AKT3: variants seen among roughly 807,000 people sequenced by gnomAD.
AKT3 encodes the protein RAC-gamma serine/threonine-protein kinase.
A neutral mutation model predicts 65.3 loss-of-function variants in AKT3; 15 were observed. That is an observed-to-expected ratio of 0.23 (90% CI 0.15 to 0.35). The LOEUF (loss-of-function observed/expected upper bound fraction) is 0.35. AKT3 is among the 10% of genes least tolerant of loss of function. AKT3 has a pLI of 1.00. For synonymous variants in AKT3, 206 were observed against 183.8 expected (o/e 1.12, Z -0.98); for missense variants, 243 against 576.5 (o/e 0.42, Z 5.92).
intron 6 of AKT3, among the ~76,000 whole-genome samples, 171 bp downstream of exon 6, chr1:243,637,440 A>T (rs1325021696): frequency 6.6e-6 from 1 of 152,122 alleles, no homozygotes; most frequent in Non-Finnish European, 1.5e-5. Flanking sequence ...AATGTCTGAA[A>T]ACTTTAAAAA....
chr1:243,839,920 C>T (rs542620528), intron 2 of AKT3, among the ~76,000 whole-genome samples: 6 of 150,672 alleles, frequency 4.0e-5, no homozygotes, highest in Admixed American at 6.6e-5. Context: ...CGGTGGCTCA[C>T]GCCTGTAATC....
At chr1:243,783,485 A>G (rs1443874600) in intron 2 of AKT3, among the ~76,000 whole-genome samples, 2 of 152,222 alleles carry the variant, frequency 1.3e-5, no homozygotes, top group South Asian at 4.1e-4. Flanking sequence ...TGGACTAGGT[A>G]TAACTCTGGG....
At chr1:243,642,105 G>C (rs117927207) in intron 5 of AKT3, among the ~76,000 whole-genome samples, 4 of 152,228 alleles carry the variant, frequency 2.6e-5, no homozygotes, top group South Asian at 2.1e-4. Context: ...AAAAAGCACT[G>C]TATGTGATAA....
chr1:243,631,116 A>G (rs747380003), intron 6 of AKT3, among the ~76,000 whole-genome samples: 2 of 152,288 alleles, frequency 1.3e-5, no homozygotes, highest in Non-Finnish European at 1.5e-5. Flanking sequence ...ACTGTAGTCT[A>G]TTAAGTGTGT....
At chr1:243,613,060 T>C (rs1367457830) in intron 8 of AKT3, 1 of 98,266 alleles carries the variant, frequency 1.0e-5, no homozygotes, top group East Asian at 2.6e-4. Context: ...AAAAAAATTA[T>C]ATATATATAT....
intron 2 of AKT3, among the ~76,000 whole-genome samples, chr1:243,729,782 T>C (rs770806641): frequency 8.5e-5 from 13 of 152,220 alleles, no homozygotes; most frequent in Non-Finnish European, 1.5e-5. Context: ...ATTAGTAATA[T>C]CTCTGGACAA....
chr1:243,548,719 T>C (rs1387118559), intron 11 of AKT3, among the ~76,000 whole-genome samples: 3 of 152,242 alleles, frequency 2.0e-5, no homozygotes, highest in Middle Eastern at 3.2e-3. Context: ...AATTCACATT[T>C]TCCTAATGTT....
At chr1:243,582,823 T>TA (rs924390036) in intron 8 of AKT3, among the ~76,000 whole-genome samples, 7 of 151,750 alleles carry the variant, frequency 4.6e-5, no homozygotes, top group African/African-American at 1.5e-4. Flanking sequence ...GCATGTTGGA[T>TA]AAAAAAACAA....
chr1:243,781,867 G>A (rs1007970575), intron 2 of AKT3, among the ~76,000 whole-genome samples: 4 of 152,106 alleles, frequency 2.6e-5, no homozygotes, highest in Admixed American at 6.5e-5. Context: ...CAGTCACCCA[G>A]GCTGCTGCAC....
At chr1:243,578,251 C>T (rs1171073328) in intron 8 of AKT3, among the ~76,000 whole-genome samples, 1 of 152,088 alleles carries the variant, frequency 6.6e-6, no homozygotes, top group Non-Finnish European at 1.5e-5. Context: ...TTCACTGCAG[C>T]ACTATCACAA....
In AKT3 at chr1:243,790,548, T is replaced by C. The variant is rs544565520; in HGVS notation, c.46+52577A>G. On this transcript the variant is annotated intron_variant, in intron 2 of 13. Coordinates refer to ENST00000673466, the MANE Select transcript of AKT3 (RefSeq NM_005465.7). Reference sequence around the variant, plus strand: ...CCAGACCACTCAAACTTTCTCCTTATCAGCAATACGGCTGTTTCGCTTTCT... The same window carrying C: ...CCAGACCACTCAAACTTTCTCCTTACCAGCAATACGGCTGTTTCGCTTTCT... Among the ~76,000 whole-genome samples, 58 of 152,354 alleles carry C rather than the reference T, an allele frequency of 3.8e-4. 1 individual carries two copies. Among genetic ancestry groups the C allele is most frequent in the African/African-American group, 1.3e-3 (54 of 41,586 alleles).
chr1:243,525,918 T>C (rs1671040051), intron 12 of AKT3, among the ~76,000 whole-genome samples: 1 of 146,904 alleles, frequency 6.8e-6, no homozygotes, highest in Non-Finnish European at 1.5e-5. Context: ...TAAAGAAGGA[T>C]ATGCAAGAGA....
intron 9 of AKT3, among the ~76,000 whole-genome samples, chr1:243,565,043 G>A (rs1198447925): frequency 6.6e-6 from 1 of 152,144 alleles, no homozygotes; most frequent in Non-Finnish European, 1.5e-5. Context: ...AGTTAGGCAA[G>A]TTGTGTTCAC....
intron 12 of AKT3, among the ~76,000 whole-genome samples, chr1:243,519,423 G>C (rs1424403889): frequency 6.6e-6 from 1 of 152,176 alleles, no homozygotes; most frequent in Non-Finnish European, 1.5e-5. Context: ...TAATCCTGAA[G>C]ATAAAGCAAT....
chr1:243,590,229 G>A (rs1048485121), intron 8 of AKT3, among the ~76,000 whole-genome samples: 1 of 152,092 alleles, frequency 6.6e-6, no homozygotes, highest in Non-Finnish European at 1.5e-5. Flanking sequence ...TAAGAGAGTA[G>A]GTCTTAGGTA....
chr1:243,606,008 C>T (rs1215651940), intron 8 of AKT3, among the ~76,000 whole-genome samples: 1 of 152,086 alleles, frequency 6.6e-6, no homozygotes, highest in African/African-American at 2.4e-5. Context: ...TCTCCTGCTC[C>T]TATGTGAAGA....
intron 2 of AKT3, among the ~76,000 whole-genome samples, chr1:243,711,628 A>G (rs1300668235): frequency 2.6e-5 from 4 of 152,226 alleles, no homozygotes; most frequent in Non-Finnish European, 5.9e-5. Flanking sequence ...AGACTTGCAC[A>G]TAACACCTAA....
At chr1:243,774,849 T>C (rs185340989) in intron 2 of AKT3, among the ~76,000 whole-genome samples, 61 of 152,256 alleles carry the variant, frequency 4.0e-4, no homozygotes, top group African/African-American at 1.4e-3. Context: ...AATGTCCAAA[T>C]TTCACATTGT....
At chr1:243,544,314 G>A (rs1463586307) in intron 12 of AKT3, among the ~76,000 whole-genome samples, 1 of 150,326 alleles carries the variant, frequency 6.7e-6, no homozygotes, top group Non-Finnish European at 1.5e-5. Flanking sequence ...CTGAACTTAA[G>A]CAAAAATTGC....
Sources: gnomAD v4.1 joint callset for allele counts (sites outside exome capture counted in the v4.1 genomes callset) on GRCh38, gnomAD v4.1.1 for gene constraint, MANE v1.5 for transcripts, NCBI Gene and HGNC (gene_info 2026-07-23, HGNC 2026-07-21) for gene names.